FEM1C: variants seen among roughly 807,000 people sequenced by gnomAD.
FEM1C encodes the protein fem-1 homolog C.
In FEM1C, 15 loss-of-function variants were observed where a neutral mutation model predicts 37.6. The ratio of observed to expected loss-of-function variants is 0.40; its 90% confidence interval spans 0.27 to 0.61. The LOEUF (loss-of-function observed/expected upper bound fraction) is 0.61, where lower values mean the gene tolerates loss of function less well. FEM1C is among the 20% of genes least tolerant of loss of function. The pLI is 0.42. For missense variants in FEM1C, 532 were observed against 749.7 expected (o/e 0.71, Z 3.39); for synonymous variants, 287 against 272.8 (o/e 1.05, Z -0.51).
intron 2 of FEM1C, among the ~76,000 whole-genome samples, chr5:115,536,417 CTT>C (rs1754129366): frequency 6.6e-6 from 1 of 151,852 alleles, no homozygotes; most frequent in Non-Finnish European, 1.5e-5. Flanking sequence ...CCTTCCTCAA[CTT>C]TGTAGCTGGG....
At position 115,525,228 on chromosome 5, in the gene FEM1C, T is replaced by G; in HGVS notation, c.934A>C (p.Ile312Leu). ...VNSAEELEGL[I>L]ADPDEMRMQA... ...ATTCTCATCTCATCAGGATCAGCAA[T>G]AAGACCTTCTAGCTCTTCTGCACTG... The change falls in exon 3 of 3, where the codon ATT (isoleucine) becomes CTT (leucine). Residue 312 changes from isoleucine (I) to leucine (L), a missense_variant. By Grantham distance (5) the Ile-to-Leu change is conservative. Coordinates refer to ENST00000274457, the MANE Select transcript of FEM1C (RefSeq NM_020177.3). 6.2e-7 allele frequency: 1 copy of G among 1,613,522 alleles called. No individual in the cohort carries two copies.
chr5:115,542,325 A>C (rs1021835317), intron 2 of FEM1C, among the ~76,000 whole-genome samples: 2 of 152,198 alleles, frequency 1.3e-5, no homozygotes, highest in Non-Finnish European at 2.9e-5. Flanking sequence ...TCAGTATTGA[A>C]GCAGTTTTAA....
In FEM1C at chr5:115,522,295, G is replaced by C. The variant is rs1426199812; in HGVS notation, c.*2013C>G. On this transcript the variant is annotated 3_prime_UTR_variant, in exon 3 of 3. Coordinates refer to ENST00000274457, the MANE Select transcript of FEM1C (RefSeq NM_020177.3). The stretch of plus-strand genomic sequence containing the variant: ...TTCTTATACCACAAAGTTAGAGGCA[G>C]ATGATTTCAAGATACTGACATTTGA... 1 of 151,908 alleles carries C rather than the reference G, an allele frequency of 6.6e-6. No individual in the cohort carries two copies. The highest frequency in any genetic ancestry group is 1.5e-5 in the Non-Finnish European group (1 of 67,848). 9.4% of individuals were successfully genotyped at this position (151,908 alleles called of 1,614,324 possible). A position where few individuals can be genotyped will look rare whatever the true frequency, so the allele number is the denominator to read the frequency against.
In FEM1C at chr5:115,522,111, T is replaced by G. The variant is rs2127167462; in HGVS notation, c.*2197A>C. On this transcript the variant is annotated 3_prime_UTR_variant, in exon 3 of 3. Coordinates refer to ENST00000274457, the MANE Select transcript of FEM1C (RefSeq NM_020177.3). ...AGATGTGCCTCACTATAAGAGCATG[T>G]AAGCCCTCCCACCCAGCCCCCAAAG... The G allele has an allele frequency of 6.6e-6, 1 of 151,918 alleles. No homozygotes were observed. Among genetic ancestry groups the G allele is most frequent in the South Asian group, 2.1e-4 (1 of 4,822 alleles). The allele number at this position is 151,918 out of a possible 1,614,324, so 9.4% of individuals were successfully genotyped here.
chr5:115,524,645 G>A lies in FEM1C; in HGVS notation c.1517C>T (p.Pro506Leu). The A allele has an allele frequency of 6.4e-7, 1 of 1,574,702 alleles. No homozygotes were observed. ...CVGRYPVCKF[P>L]SLQVTAILIE... Reference sequence around the variant, plus strand: ...CAGTATTGCAGTAACTTGTAGAGATGGAAATTTACAAACAGGGTACCGCCC... The same window carrying A: ...CAGTATTGCAGTAACTTGTAGAGATAGAAATTTACAAACAGGGTACCGCCC... The change falls in exon 3 of 3, where the codon CCA becomes CTA. Residue 506 changes from proline (P) to leucine (L), a missense_variant. Physicochemically the swap from Pro to Leu is moderately conservative, Grantham distance 98 (BLOSUM62 -3). Transcript: ENST00000274457.
At chr5:115,531,789 C>A (rs1378238633) in intron 2 of FEM1C, among the ~76,000 whole-genome samples, 2 of 152,022 alleles carry the variant, frequency 1.3e-5, no homozygotes, top group East Asian at 3.9e-4. Flanking sequence ...AATGTAAAAA[C>A]CTTTCTTAGC....
Position 115,534,390 on chromosome 5 carries a change from A to C in FEM1C, c.544+8560T>G, listed in dbSNP as rs546743075. On this transcript the variant is annotated intron_variant, in intron 2 of 2. Coordinates refer to ENST00000274457, the MANE Select transcript of FEM1C (RefSeq NM_020177.3). ...ATCAACATTTTTTTCAAATTAGGTA[A>C]CCCAAAAACATAGCTGTATTTTGAG... 3.3e-5 allele frequency among the ~76,000 whole-genome samples: 5 copies of C among 152,024 alleles called. No individual in the cohort carries two copies. In the South Asian group the frequency reaches 1.0e-3, roughly 31 times the overall value.
At chr5:115,543,811 AC>A (rs33910606) in intron 1 of FEM1C, 128 bp from the exon 2 acceptor site, 563,847 of 1,007,214 alleles carry the variant, frequency 0.56, 158,137 homozygotes, top group Middle Eastern at 0.67. Context: ...CATCCCACAC[AC>A]CCCCCCCACC....
chr5:115,525,053 C>T lies in FEM1C; in HGVS notation c.1109G>A (p.Ser370Asn), dbSNP rs764815308. The change falls in exon 3 of 3, where the codon AGC becomes AAC. Residue 370 changes from serine (S) to asparagine (N), a missense_variant. This residue lies in a region of FEM1C where 221 missense variants were observed against 404.1 expected (regional missense o/e 0.55). Transcript: ENST00000274457. ...LWKYALDMQQ[S>N]NLDPLSPMTA... ...CATTGGGCTTAAAGGATCCAAATTGCTCTGCTGCATATCCAAAGCATACTT... is the reference window on the plus strand; with the variant it reads ...CATTGGGCTTAAAGGATCCAAATTGTTCTGCTGCATATCCAAAGCATACTT... 13 of 1,613,628 alleles carry T rather than the reference C, an allele frequency of 8.1e-6. No individual in the cohort carries two copies. The highest frequency in any genetic ancestry group is 4.5e-5 in the East Asian group (2 of 44,880).
chr5:115,542,838 T>C (rs1754268924), intron 2 of FEM1C, 112 bp downstream of exon 2: 3 of 1,305,370 alleles, frequency 2.3e-6, no homozygotes, highest in African/African-American at 1.5e-5. Context: ...ACTTACCTAA[T>C]CAAAACAGGT....
chr5:115,537,391 A>G (rs1754151134), intron 2 of FEM1C, among the ~76,000 whole-genome samples: 1 of 152,114 alleles, frequency 6.6e-6, no homozygotes, highest in African/African-American at 2.4e-5. Flanking sequence ...CAATATGAAC[A>G]GCAGTAGTGC....
Position 115,524,755 on chromosome 5 carries a change from T to C in FEM1C, c.1407A>G (p.Ile469Met). The C allele has an allele frequency of 1.3e-6, 2 of 1,559,236 alleles. No individual in the cohort carries two copies. Among genetic ancestry groups the C allele is most frequent in the Non-Finnish European group, 1.7e-6 (2 of 1,156,786 alleles). ...LEQDHFKKQT[I>M]YRFLKLHPRG... ...TTGGATGCAGCTTAAGAAACCTGTA[T>C]ATAGTCTGCTTTTTGAAATGGTCTT... Residue 469 changes from isoleucine to methionine, a missense_variant, in exon 3 of 3, where the codon ATA (isoleucine) becomes ATG (methionine). Coordinates refer to ENST00000274457, the MANE Select transcript of FEM1C (RefSeq NM_020177.3).
At position 115,543,603 on chromosome 5, in the gene FEM1C, T is replaced by G; in HGVS notation, c.-110A>C. On this transcript the variant is annotated 5_prime_UTR_variant, in exon 2 of 3. Coordinates refer to ENST00000274457, the MANE Select transcript of FEM1C (RefSeq NM_020177.3). ...GGAACCAAAGTCCAATGTTAATTGCTGCACCCCAGAACGGATACACAACCA... is the reference window on the plus strand; with the variant it reads ...GGAACCAAAGTCCAATGTTAATTGCGGCACCCCAGAACGGATACACAACCA... 6.8e-7 allele frequency: 1 copy of G among 1,479,630 alleles called. No individual in the cohort carries two copies. The highest frequency in any genetic ancestry group is 1.4e-5 in the South Asian group (1 of 71,692). 91.7% of individuals were successfully genotyped at this position (1,479,630 alleles called of 1,614,324 possible).
intron 1 of FEM1C, chr5:115,544,170 A>C (rs1754305228): frequency 1.0e-6 from 1 of 985,250 alleles, no homozygotes; most frequent in East Asian, 1.1e-4. Context: ...TGTGCCCCGA[A>C]AGATTCTCTT....
chr5:115,534,391 C>T (rs1444970529), intron 2 of FEM1C, among the ~76,000 whole-genome samples: 1 of 151,230 alleles, frequency 6.6e-6, no homozygotes, highest in Admixed American at 6.6e-5. Context: ...AATTAGGTAA[C>T]CCAAAAACAT....
chr5:115,543,892 G>C (rs1233059282), intron 1 of FEM1C: 101 of 985,068 alleles, frequency 1.0e-4, no homozygotes, highest in Non-Finnish European at 1.2e-4. Context: ...GTCGCAGGCA[G>C]TCTCCTCCAT....
intron 2 of FEM1C, among the ~76,000 whole-genome samples, chr5:115,529,699 T>C (rs1753976526): frequency 6.6e-6 from 1 of 152,004 alleles, no homozygotes; most frequent in Non-Finnish European, 1.5e-5. Context: ...ATAAAACACT[T>C]GACAGCAATA....
intron 2 of FEM1C, among the ~76,000 whole-genome samples, chr5:115,532,799 C>T (rs1561558613): frequency 1.3e-5 from 2 of 151,988 alleles, no homozygotes; most frequent in Non-Finnish European, 2.9e-5. Flanking sequence ...ATTACATAAA[C>T]ATTTCCCCGT....
chr5:115,524,580 C>A lies in FEM1C; in HGVS notation c.1582G>T (p.Asp528Tyr), dbSNP rs771139601. The change falls in exon 3 of 3, where the codon GAC becomes TAC. Residue 528 changes from aspartate to tyrosine, a missense_variant. This residue lies in a region of FEM1C where 237 missense variants were observed against 260.5 expected (regional missense o/e 0.91). Coordinates refer to ENST00000274457, the MANE Select transcript of FEM1C (RefSeq NM_020177.3). Reference protein sequence around the residue: ...GADVNVRDSDDNSPLHIAALN... With the variant: ...GADVNVRDSDYNSPLHIAALN... Reference sequence around the variant, plus strand: ...GCAGCGATATGCAGGGGACTGTTGTCATCCGAGTCTCTGACGTTCACATCA... The same window carrying A: ...GCAGCGATATGCAGGGGACTGTTGTAATCCGAGTCTCTGACGTTCACATCA... 11 of 1,612,622 alleles carry A rather than the reference C, an allele frequency of 6.8e-6. No individual in the cohort carries two copies. The Admixed American group carries it at 1.5e-4, about 22-fold the overall frequency.
Sources: allele counts gnomAD v4.1 joint callset (sites outside exome capture counted in the v4.1 genomes callset), GRCh38; gene constraint gnomAD v4.1.1; regional missense constraint gnomAD v4.1.1; transcripts MANE v1.5; gene names NCBI Gene and HGNC (gene_info 2026-07-23, HGNC 2026-07-21).